Variants in TMEM150C observed in about 807,000 individuals in gnomAD.
The protein encoded by TMEM150C is transmembrane protein 150C, also known as tentonin 3.
TMEM150C carries 10 observed loss-of-function variants against 29.9 expected under a neutral mutation model. The ratio of observed to expected loss-of-function variants is 0.33; its 90% confidence interval spans 0.21 to 0.57. The LOEUF is 0.57. TMEM150C is among the 20% of genes least tolerant of loss of function. The pLI, the probability that TMEM150C is intolerant of heterozygous loss-of-function variation, is 0.88. For missense variants in TMEM150C, 251 were observed against 303.6 expected (o/e 0.83, Z 1.29); for synonymous variants, 101 against 112.5 (o/e 0.90, Z 0.64).
intron 6 of TMEM150C, among the ~76,000 whole-genome samples, chr4:82,493,823 C>T (rs764644619): frequency 6.6e-6 from 1 of 152,236 alleles, no homozygotes; most frequent in Non-Finnish European, 1.5e-5. Flanking sequence ...CTGGTAATCA[C>T]TGCCTCAGCC....
At chr4:82,555,965 C>T (rs1725723055) in intron 1 of TMEM150C, among the ~76,000 whole-genome samples, 1 of 152,202 alleles carries the variant, frequency 6.6e-6, no homozygotes, top group Admixed American at 6.5e-5. Flanking sequence ...CCGGTATACA[C>T]ATATACACTT....
At chr4:82,497,168 CT>C (rs967858317) in intron 5 of TMEM150C, among the ~76,000 whole-genome samples, 1 of 151,774 alleles carries the variant, frequency 6.6e-6, no homozygotes, top group African/African-American at 2.4e-5. Flanking sequence ...TTTTTTTTGC[CT>C]AGTGCAGAGG....
At position 82,502,709 on chromosome 4, in the gene TMEM150C, T is replaced by C; in HGVS notation, c.235+18A>G. The C allele has an allele frequency of 6.2e-7, 1 of 1,601,536 alleles. No individual in the cohort carries two copies. Among genetic ancestry groups the C allele is most frequent in the African/African-American group, 1.3e-5 (1 of 74,910 alleles). ...AAATGTACCAAAGCACATAAAGCGT[T>C]CTTTACCCTCTTCTTACCTAGGAAG... On this transcript the variant is annotated intron_variant, in intron 5 of 7. Transcript: ENST00000449862.
At chr4:82,532,548 T>C (rs555230186) in intron 1 of TMEM150C, among the ~76,000 whole-genome samples, 35 of 152,288 alleles carry the variant, frequency 2.3e-4, no homozygotes, top group African/African-American at 7.9e-4. Context: ...AAGAAAGATA[T>C]GCAAAGTAGC....
rs1001035501 is a variant in TMEM150C, at chr4:82,549,003, C to T, written c.-11+12903G>A. On this transcript the variant is annotated intron_variant, in intron 1 of 7. Coordinates refer to ENST00000449862, the MANE Select transcript of TMEM150C (RefSeq NM_001080506.3). Reference sequence around the variant, plus strand: ...GCATTGCAGCCAATGATTTGGCTTTCGCTATAGGGAAATGTGTTCATTGGA... The same window carrying T: ...GCATTGCAGCCAATGATTTGGCTTTTGCTATAGGGAAATGTGTTCATTGGA... 3.9e-5 allele frequency among the ~76,000 whole-genome samples: 6 copies of T among 151,938 alleles called. No individual in the cohort carries two copies. The South Asian group carries it at 6.2e-4, about 16-fold the overall frequency.
At chr4:82,555,376 G>A (rs953047016) in intron 1 of TMEM150C, among the ~76,000 whole-genome samples, 1 of 152,164 alleles carries the variant, frequency 6.6e-6, no homozygotes, top group African/African-American at 2.4e-5. Context: ...GTTAGGAAGT[G>A]GTTAGGAGGG....
chr4:82,517,042 T>C (rs1216417843), intron 1 of TMEM150C, among the ~76,000 whole-genome samples: 1 of 152,204 alleles, frequency 6.6e-6, no homozygotes, highest in South Asian at 2.1e-4. Flanking sequence ...ACTTGTAAAA[T>C]GCAGTTAACT....
chr4:82,533,124 A>C (rs1316646200), intron 1 of TMEM150C, among the ~76,000 whole-genome samples: 2 of 152,160 alleles, frequency 1.3e-5, no homozygotes, highest in Non-Finnish European at 2.9e-5. Flanking sequence ...TTTATGAATC[A>C]ATGTTGTTGG....
chr4:82,550,537 A>C (rs1725538136), intron 1 of TMEM150C, among the ~76,000 whole-genome samples: 1 of 152,226 alleles, frequency 6.6e-6, no homozygotes, highest in Non-Finnish European at 1.5e-5. Flanking sequence ...ACGATGGCTC[A>C]TGCTTGTAAT....
At chr4:82,544,629 A>G (rs1304704983) in intron 1 of TMEM150C, among the ~76,000 whole-genome samples, 2 of 152,156 alleles carry the variant, frequency 1.3e-5, no homozygotes, top group Non-Finnish European at 2.9e-5. Flanking sequence ...AAATACAAAA[A>G]TTAGCCAAGT....
At chr4:82,561,783 C>A in intron 1 of TMEM150C, 123 bp downstream of exon 1, 4 of 730,888 alleles carry the variant, frequency 5.5e-6, no homozygotes, top group Non-Finnish European at 6.7e-6. Context: ...CGGACCCAGC[C>A]GCCCCAGCCG....
At chr4:82,526,154 C>T (rs1303393473) in intron 1 of TMEM150C, among the ~76,000 whole-genome samples, 1 of 152,216 alleles carries the variant, frequency 6.6e-6, no homozygotes, top group East Asian at 1.9e-4. Flanking sequence ...ATCCTCCCAC[C>T]TTGGCCTCCC....
At chr4:82,519,722 T>C (rs1172423759) in intron 1 of TMEM150C, among the ~76,000 whole-genome samples, 2 of 152,176 alleles carry the variant, frequency 1.3e-5, no homozygotes, top group Admixed American at 6.5e-5. Flanking sequence ...CCACCAAGCC[T>C]GGCCACGATG....
At chr4:82,502,830 C>T (rs752427582) in intron 4 of TMEM150C, 36 bp from the exon 5 acceptor site, 9 of 1,587,992 alleles carry the variant, frequency 5.7e-6, no homozygotes, top group Non-Finnish European at 6.9e-6. Flanking sequence ...GTTACTATAT[C>T]AAAATCTATA....
chr4:82,562,139 C>T (rs962225280), upstream of TMEM150C: 13 of 1,267,790 alleles, frequency 1.0e-5, no homozygotes, highest in African/African-American at 1.6e-5. Context: ...CTTCTGCCAC[C>T]CCCCCGGGGC....
intron 1 of TMEM150C, among the ~76,000 whole-genome samples, chr4:82,535,874 G>A (rs1724986151): frequency 6.6e-6 from 1 of 152,128 alleles, no homozygotes; most frequent in South Asian, 2.1e-4. Context: ...GCTGACTTGT[G>A]CATCCTAAGG....
chr4:82,494,927 A>G, intron 6 of TMEM150C: 1 of 554,726 alleles, frequency 1.8e-6, no homozygotes. Context: ...GCTTCTCTTT[A>G]GCCTCCTTCA....
At position 82,559,356 on chromosome 4, in the gene TMEM150C, T is replaced by A. The variant is rs544895991; in HGVS notation, c.-11+2550A>T. On this transcript the variant is annotated intron_variant, in intron 1 of 7. Transcript: ENST00000449862. ...GGTCAAGAATTCAAGACCAGCCTGA[T>A]CAACATGGTAAAACCCCGTCTCTAC... 2.7e-5 allele frequency among the ~76,000 whole-genome samples: 4 copies of A among 148,462 alleles called. No individual in the cohort carries two copies. The South Asian group carries it at 8.5e-4, about 32-fold the overall frequency.
intron 1 of TMEM150C, among the ~76,000 whole-genome samples, chr4:82,528,224 G>A (rs1266813460): frequency 6.6e-6 from 1 of 152,178 alleles, no homozygotes; most frequent in Non-Finnish European, 1.5e-5. Context: ...ACTGATGCTG[G>A]GCCATGAAGA....
Sources: gnomAD v4.1 joint callset for allele counts (sites outside exome capture counted in the v4.1 genomes callset) on GRCh38, gnomAD v4.1.1 for gene constraint, MANE v1.5 for transcripts, NCBI Gene and HGNC (gene_info 2026-07-23, HGNC 2026-07-21) for gene names.